DIAPH1: variants seen among roughly 807,000 people sequenced by gnomAD.
The protein encoded by DIAPH1 is diaphanous related formin 1.
DIAPH1 carries 46 observed loss-of-function variants against 140.7 expected under a neutral mutation model. That is an observed-to-expected ratio of 0.33 (90% CI 0.26 to 0.42). The LOEUF (loss-of-function observed/expected upper bound fraction) is 0.42, where lower values mean the gene tolerates loss of function less well. Among genes scored for constraint, DIAPH1 ranks in the 10% least tolerant of loss-of-function variants. The pLI, the probability that DIAPH1 is intolerant of heterozygous loss-of-function variation, is 1.00. For synonymous variants in DIAPH1, 565 were observed against 551.6 expected, an observed-to-expected ratio of 1.02 and a Z score of -0.34; for missense variants, 1,310 against 1,558.7, an observed-to-expected ratio of 0.84 and a Z score of 2.69.
chr5:141,537,398 G>A (rs1303735713), intron 18 of DIAPH1, among the ~76,000 whole-genome samples: 3 of 146,992 alleles, frequency 2.0e-5, no homozygotes, highest in Admixed American at 7.1e-5. Flanking sequence ...CAGGAAAATC[G>A]CTTGAACCTG....
Position 141,584,193 on chromosome 5 carries a change from T to C in DIAPH1, c.333A>G (p.Gln111=), listed in dbSNP as rs751381620. 2.5e-6 allele frequency: 4 copies of C among 1,613,294 alleles called. No individual in the cohort carries two copies. The South Asian group carries it at 3.3e-5, about 13-fold the overall frequency. The change falls in exon 4 of 28, where the codon CAA becomes CAG. Residue 111 remains glutamine, a synonymous_variant. Coordinates refer to ENST00000389054, the MANE Select transcript of DIAPH1 (RefSeq NM_005219.5). ...TGATGATGTCCTTCTCCCTCAAAGG[T>C]TGCTGTTTCTCCTCATTCAGGTTCA... The part of the protein sequence containing the change: ...LDMNLNEEKQ[Q]PLREKDIIIK...
At chr5:141,580,598 G>A (rs1235875999) in intron 8 of DIAPH1, 146 bp downstream of exon 8, 1 of 785,218 alleles carries the variant, frequency 1.3e-6, no homozygotes, top group Non-Finnish European at 2.1e-6. Context: ...TAAATTTTAA[G>A]ATGCTTAGTG....
At chr5:141,577,024 A>G (rs1051701150) in intron 12 of DIAPH1, among the ~76,000 whole-genome samples, 153 bp from the exon 13 acceptor site, 2 of 151,724 alleles carry the variant, frequency 1.3e-5, no homozygotes, top group Non-Finnish European at 2.9e-5. Context: ...TGCTAAGAAA[A>G]CTCCTTTTTC....
In DIAPH1 at chr5:141,517,004, G is replaced by T. The variant is rs1298460924; in HGVS notation, c.3666C>A (p.Asn1222Lys). The change falls in exon 28 of 28, where the codon AAC becomes AAA. Residue 1222 changes from asparagine (N) to lysine (K), a missense_variant. By Grantham distance (94) the Asn-to-Lys change is moderately conservative. Transcript: ENST00000389054. The stretch of plus-strand genomic sequence containing the variant: ...ATGTGACTGCACACCCGGCCTTCCT[G>T]TTGGCTGCAAGAGAAGACGAGAGAT... ...FRRKRGPRQANRKAGCAVTSL... is the reference protein window; with the variant it reads ...FRRKRGPRQAKRKAGCAVTSL... The T allele has an allele frequency of 6.2e-7, 1 of 1,614,088 alleles. No homozygotes were observed. Among genetic ancestry groups the T allele is most frequent in the Non-Finnish European group, 8.5e-7 (1 of 1,180,040 alleles).
rs987026168 is a variant in DIAPH1 at position 141,548,425 on chromosome 5, G to A, written c.2483-13992C>T. ...AGGCAGAAGAAAGAAAAAATTATCC[G>A]AAGGAAATACAAAAATGTAGACAGG... On this transcript the variant is annotated intron_variant, in intron 18 of 27. Coordinates refer to ENST00000389054, the MANE Select transcript of DIAPH1 (RefSeq NM_005219.5). Among the ~76,000 whole-genome samples the A allele has an allele frequency of 9.2e-5, 14 of 152,146 alleles. No homozygotes were observed. In the East Asian group the frequency reaches 1.7e-3, roughly 19 times the overall value.
intron 18 of DIAPH1, among the ~76,000 whole-genome samples, chr5:141,543,324 T>C (rs1001655648): frequency 6.6e-6 from 1 of 152,178 alleles, no homozygotes; most frequent in Non-Finnish European, 1.5e-5. Context: ...CAAATCCATA[T>C]GATAGTAAGT....
rs371690742 is a variant in DIAPH1, at chr5:141,618,893, G to A, written c.22C>T (p.Leu8=). Residue 8 remains leucine, a synonymous_variant, in exon 1 of 28, where the codon CTG becomes TTG. Coordinates refer to ENST00000389054, the MANE Select transcript of DIAPH1 (RefSeq NM_005219.5). MEPPGGS[L]GPGRGTRDKK... ...TCCCGGGTCCCGCGGCCGGGCCCCA[G>A]GCTCCCGCCGGGCGGCTCCATGTCC... 6 of 1,514,006 alleles carry A rather than the reference G, an allele frequency of 4.0e-6. No individual in the cohort carries two copies. The highest frequency in any genetic ancestry group is 5.3e-6 in the Non-Finnish European group (6 of 1,130,668). 93.8% of individuals were successfully genotyped at this position (1,514,006 alleles called of 1,614,324 possible). A position where few individuals can be genotyped will look rare whatever the true frequency, so the allele number is the denominator to read the frequency against.
intron 19 of DIAPH1, among the ~76,000 whole-genome samples, chr5:141,532,273 G>A (rs570281066): frequency 6.6e-5 from 10 of 152,134 alleles, no homozygotes; most frequent in Non-Finnish European, 1.5e-4. Flanking sequence ...CTGGGCTCAA[G>A]TGATCCTTCT....
intron 27 of DIAPH1, among the ~76,000 whole-genome samples, chr5:141,521,998 A>G (rs946335410): frequency 3.8e-4 from 58 of 152,338 alleles, no homozygotes; most frequent in Admixed American, 2.6e-4. Flanking sequence ...CATCAGAACT[A>G]GATGTGACTT....
intron 1 of DIAPH1, among the ~76,000 whole-genome samples, chr5:141,616,702 T>A (rs1052288499): frequency 6.6e-6 from 1 of 152,220 alleles, no homozygotes; most frequent in East Asian, 1.9e-4. Context: ...AGCACTACTT[T>A]CCTAGAAACC....
chr5:141,594,212 T>A (rs755775460), intron 1 of DIAPH1, among the ~76,000 whole-genome samples: 1 of 152,218 alleles, frequency 6.6e-6, no homozygotes. Context: ...CCAGCAATCA[T>A]GCTCCTTGGT....
At chr5:141,539,623 CTATTCAGATT>C (rs1421688213) in intron 18 of DIAPH1, among the ~76,000 whole-genome samples, 1 of 151,934 alleles carries the variant, frequency 6.6e-6, no homozygotes, top group East Asian at 1.9e-4. Context: ...TGTTACAGAT[CTATTCAGATT>C]GTTTATTTTT....
At chr5:141,536,599 G>A (rs1028154717) in intron 18 of DIAPH1, among the ~76,000 whole-genome samples, 6 of 151,884 alleles carry the variant, frequency 4.0e-5, no homozygotes, top group Non-Finnish European at 7.4e-5. Flanking sequence ...TGATGACGGG[G>A]GCAGTTTACA....
chr5:141,528,794 G>C lies in DIAPH1; in HGVS notation c.2926C>G (p.Leu976Val). The stretch of plus-strand genomic sequence containing the variant: ...CCAACAAGCAAGGTAATCTCTAGGA[G>C]ATTGGAAAAGCTCTCACTCTTACGT... Reference protein sequence around the residue: ...ELRKSESFSNLLEITLLVGNY... With the variant: ...ELRKSESFSNVLEITLLVGNY... The change falls in exon 22 of 28, where the codon CTC becomes GTC. Residue 976 changes from leucine to valine, a missense_variant. Around this residue, in one of 3 missense-constraint regions of DIAPH1, gnomAD observed 344 missense variants for 512.2 expected, o/e 0.67. Transcript: ENST00000389054. 6.2e-7 allele frequency: 1 copy of C among 1,614,252 alleles called. No individual in the cohort carries two copies. The highest frequency in any genetic ancestry group is 8.5e-7 in the Non-Finnish European group (1 of 1,180,044).
chr5:141,543,312 G>A (rs555744787), intron 18 of DIAPH1, among the ~76,000 whole-genome samples: 32 of 152,288 alleles, frequency 2.1e-4, no homozygotes, highest in African/African-American at 7.7e-4. Context: ...GTCCATGACA[G>A]GCAAATCCAT....
chr5:141,615,093 T>C (rs968154536), intron 1 of DIAPH1, among the ~76,000 whole-genome samples: 3 of 152,124 alleles, frequency 2.0e-5, no homozygotes, highest in African/African-American at 4.8e-5. Context: ...CATAACTCAA[T>C]ATAGGAATCC....
chr5:141,562,972 C>A (rs1327761289), intron 18 of DIAPH1: 1 of 152,190 alleles, frequency 6.6e-6, no homozygotes, highest in Non-Finnish European at 1.5e-5. Context: ...TCTACCAACT[C>A]CAGGTCTCCA....
chr5:141,551,510 C>G (rs2099891679), intron 18 of DIAPH1, among the ~76,000 whole-genome samples: 1 of 152,084 alleles, frequency 6.6e-6, no homozygotes, highest in South Asian at 2.1e-4. Flanking sequence ...TACTCACATA[C>G]ACATACATAA....
chr5:141,534,816 T>C (rs1275374402), intron 18 of DIAPH1, among the ~76,000 whole-genome samples: 2 of 152,216 alleles, frequency 1.3e-5, no homozygotes, highest in South Asian at 2.1e-4. Flanking sequence ...CATAAATGAA[T>C]GGGCATGGTT....
Sources: gnomAD v4.1 joint callset for allele counts (sites outside exome capture counted in the v4.1 genomes callset) on GRCh38, gnomAD v4.1.1 for gene constraint, gnomAD v4.1.1 regional missense constraint, MANE v1.5 for transcripts, NCBI Gene and HGNC (gene_info 2026-07-23, HGNC 2026-07-21) for gene names.